Variants in PTPRD observed in about 807,000 individuals in gnomAD.
PTPRD encodes protein tyrosine phosphatase receptor type D.
PTPRD carries 34 observed loss-of-function variants against 214.5 expected under a neutral mutation model. That is an observed-to-expected ratio of 0.16 (90% CI 0.12 to 0.21). The LOEUF is 0.21. Among genes scored for constraint, PTPRD ranks in the 10% least tolerant of loss-of-function variants. The pLI is 1.00. For missense variants in PTPRD, 2,545 were observed against 2,398.7 expected (o/e 1.06, Z -1.27); for synonymous variants, 1,128 against 845.7 (o/e 1.33, Z -5.79).
chr9:9,533,574 T>A (rs1214715648), intron 8 of PTPRD, among the ~76,000 whole-genome samples: 1 of 152,118 alleles, frequency 6.6e-6, no homozygotes, highest in East Asian at 1.9e-4. Context: ...GTGTTTCCCT[T>A]GAATAAAAAC....
chr9:8,706,923 A>C (rs999807779), intron 12 of PTPRD, among the ~76,000 whole-genome samples: 2 of 152,156 alleles, frequency 1.3e-5, no homozygotes, highest in African/African-American at 4.8e-5. Flanking sequence ...ACAGCACAAA[A>C]CACCACAAAT....
At chr9:9,339,893 A>AAT (rs1333989031) in intron 9 of PTPRD, among the ~76,000 whole-genome samples, 2 of 152,164 alleles carry the variant, frequency 1.3e-5, no homozygotes, top group African/African-American at 4.8e-5. Context: ...AATTTATACC[A>AAT]ATATATATAA....
intron 24 of PTPRD, 35 bp from the exon 25 acceptor site, chr9:8,499,875 G>A (rs2136855225): frequency 1.9e-6 from 3 of 1,556,750 alleles, no homozygotes; most frequent in Non-Finnish European, 2.6e-6. Context: ...GAAATTATAG[G>A]CACTTGTCCC....
intron 10 of PTPRD, among the ~76,000 whole-genome samples, chr9:9,139,862 G>C (rs1448971576): frequency 6.6e-6 from 1 of 152,244 alleles, no homozygotes; most frequent in South Asian, 2.1e-4. Context: ...CCCTTAGGGA[G>C]ATGCATATTT....
intron 4 of PTPRD, among the ~76,000 whole-genome samples, chr9:9,955,776 C>T (rs1476304229): frequency 6.6e-6 from 1 of 152,154 alleles, no homozygotes; most frequent in African/African-American, 2.4e-5. Context: ...CCCGCCTCGG[C>T]CTCCCAAAGT....
At chr9:9,919,114 A>G (rs1389835983) in intron 5 of PTPRD, among the ~76,000 whole-genome samples, 1 of 152,138 alleles carries the variant, frequency 6.6e-6, no homozygotes, top group East Asian at 1.9e-4. Context: ...ATGAATGACA[A>G]TATTTGATTT....
At chr9:10,497,136 G>T (rs1056451943) in intron 2 of PTPRD, among the ~76,000 whole-genome samples, 10 of 151,806 alleles carry the variant, frequency 6.6e-5, no homozygotes, top group African/African-American at 2.4e-4. Context: ...AACAGATGCT[G>T]CAGGCTAATA....
chr9:10,090,043 A>C (rs2098410168), intron 3 of PTPRD, among the ~76,000 whole-genome samples: 1 of 151,722 alleles, frequency 6.6e-6, no homozygotes, highest in African/African-American at 2.4e-5. Context: ...AGACTGTATA[A>C]GAAATTGCTT....
rs1303306237 is a variant in PTPRD at position 9,088,982 on chromosome 9, T to C, written c.-142-70247A>G. ...AACAATGATAAGCACTCAATAAATA[T>C]GAGCTATTTTGAAGGGAACACAAGG... On this transcript the variant is annotated intron_variant, in intron 10 of 45. Transcript: ENST00000381196. Among the ~76,000 whole-genome samples, 3 of 152,192 alleles carry C rather than the reference T, an allele frequency of 2.0e-5. No homozygotes were observed. The South Asian group carries it at 6.2e-4, about 32-fold the overall frequency.
At chr9:10,438,477 T>G (rs1011898917) in intron 2 of PTPRD, among the ~76,000 whole-genome samples, 1 of 151,764 alleles carries the variant, frequency 6.6e-6, no homozygotes, top group Admixed American at 6.6e-5. Context: ...AAATCAGAGA[T>G]AGACTTCAAC....
At chr9:9,794,172 T>G (rs539630232) in intron 5 of PTPRD, among the ~76,000 whole-genome samples, 1 of 149,086 alleles carries the variant, frequency 6.7e-6, no homozygotes, top group Non-Finnish European at 1.5e-5. Flanking sequence ...TATATATATA[T>G]ACATGTATAT....
intron 3 of PTPRD, among the ~76,000 whole-genome samples, chr9:10,240,240 T>C (rs920695189): frequency 1.3e-5 from 2 of 152,028 alleles, no homozygotes; most frequent in Non-Finnish European, 2.9e-5. Flanking sequence ...CTCTGTACCT[T>C]TGATTCTTCC....
At chr9:8,941,738 C>T (rs1052566851) in intron 11 of PTPRD, among the ~76,000 whole-genome samples, 3 of 152,122 alleles carry the variant, frequency 2.0e-5, no homozygotes, top group African/African-American at 7.2e-5. Context: ...AAAAATACGA[C>T]TTTCATCAAG....
intron 11 of PTPRD, among the ~76,000 whole-genome samples, chr9:8,940,700 T>G (rs995613971): frequency 1.3e-5 from 2 of 152,062 alleles, no homozygotes; most frequent in African/African-American, 4.8e-5. Context: ...GACCTGCTGG[T>G]TGGAGACACT....
chr9:8,941,468 T>C (rs1158024651), intron 11 of PTPRD, among the ~76,000 whole-genome samples: 1 of 152,198 alleles, frequency 6.6e-6, no homozygotes, highest in Non-Finnish European at 1.5e-5. Flanking sequence ...GAGCAGTATA[T>C]GGGTCCTGGC....
At chr9:9,991,106 G>C (rs542905042) in intron 4 of PTPRD, among the ~76,000 whole-genome samples, 42 of 151,710 alleles carry the variant, frequency 2.8e-4, no homozygotes, top group Non-Finnish European at 1.6e-4. Flanking sequence ...GGCTAATTTT[G>C]TACTTTTAGT....
intron 3 of PTPRD, among the ~76,000 whole-genome samples, chr9:10,186,771 A>G (rs998082069): frequency 9.2e-5 from 14 of 152,296 alleles, no homozygotes; most frequent in Middle Eastern, 3.4e-3. Context: ...CTGTCACAAG[A>G]TACAGAAAAC....
intron 7 of PTPRD, among the ~76,000 whole-genome samples, chr9:9,579,238 A>G (rs1032994590): frequency 6.6e-6 from 1 of 152,084 alleles, no homozygotes; most frequent in African/African-American, 2.4e-5. Context: ...TACAGTTAAC[A>G]TTTACTGAAC....
chr9:9,201,001 G>T (rs768075813), intron 9 of PTPRD, among the ~76,000 whole-genome samples: 1 of 152,090 alleles, frequency 6.6e-6, no homozygotes, highest in Non-Finnish European at 1.5e-5. Context: ...TCTAAACACC[G>T]TTTTACTGAA....
Sources: allele counts gnomAD v4.1 joint callset (sites outside exome capture counted in the v4.1 genomes callset), GRCh38; gene constraint gnomAD v4.1.1; transcripts MANE v1.5; gene names NCBI Gene and HGNC (gene_info 2026-07-23, HGNC 2026-07-21).